PRMT3: variants seen among roughly 807,000 people sequenced by gnomAD.
PRMT3 encodes the protein protein arginine methyltransferase 3, also known as protein arginine N-methyltransferase 3.
A neutral mutation model predicts 71.9 loss-of-function variants in PRMT3; 62 were observed. That is an observed-to-expected ratio of 0.86 (90% CI 0.70 to 1.07). The LOEUF (loss-of-function observed/expected upper bound fraction) is 1.07. Ranked by LOEUF, PRMT3 falls within the 50% of genes least tolerant of loss-of-function variation. PRMT3 has a pLI of 0.00. For missense variants in PRMT3, 663 were observed against 643.0 expected, an observed-to-expected ratio of 1.03 and a Z score of -0.34; for synonymous variants, 213 against 220.4, an observed-to-expected ratio of 0.97 and a Z score of 0.30.
intron 9 of PRMT3, among the ~76,000 whole-genome samples, chr11:20,421,091 T>G (rs1849415225): frequency 6.6e-6 from 1 of 152,098 alleles, no homozygotes; most frequent in Admixed American, 6.5e-5. Flanking sequence ...CAGGCTGGAG[T>G]GCACTGGCAA....
chr11:20,387,844 G>A lies in PRMT3; in HGVS notation c.28+70G>A. 6.5e-7 allele frequency: 1 copy of A among 1,535,888 alleles called. No homozygotes were observed. On this transcript the variant is annotated intron_variant, in intron 1 of 15. Coordinates refer to ENST00000331079, the MANE Select transcript of PRMT3 (RefSeq NM_005788.4). The surrounding 1 kb of genome is among the most constrained non-coding windows in gnomAD (Gnocchi z 4.3). ...CCGCGCCGCTGTGGGGCCGGTGGAA[G>A]ACCCTCCGGGACACGGGCCCGGGCA...
At chr11:20,393,931 T>C (rs1425619476) in intron 5 of PRMT3, 1 of 152,208 alleles carries the variant, frequency 6.6e-6, no homozygotes, top group African/African-American at 2.4e-5. Context: ...TGATTAATTT[T>C]TGGTGAATTA....
At chr11:20,452,303 G>T in intron 11 of PRMT3, 95 bp downstream of exon 11, 1 of 930,894 alleles carries the variant, frequency 1.1e-6, no homozygotes, top group Non-Finnish European at 1.7e-6. Flanking sequence ...GGCTGAGGAA[G>T]TTCCCGATAG....
intron 13 of PRMT3, among the ~76,000 whole-genome samples, chr11:20,464,832 T>C (rs1850470663): frequency 6.6e-6 from 1 of 152,210 alleles, no homozygotes; most frequent in Admixed American, 6.5e-5. Context: ...CACTCAACTT[T>C]ATCTTCAAAG....
At chr11:20,398,479 G>A (rs1193733595) in intron 7 of PRMT3, among the ~76,000 whole-genome samples, 1 of 152,134 alleles carries the variant, frequency 6.6e-6, no homozygotes, top group African/African-American at 2.4e-5. Flanking sequence ...TTGAGATGGA[G>A]TCTCGCTCTG....
chr11:20,463,572 CTCT>C (rs1176335419), intron 12 of PRMT3, among the ~76,000 whole-genome samples: 1 of 22,630 alleles, frequency 4.4e-5, no homozygotes, highest in Non-Finnish European at 1.9e-4. Flanking sequence ...AGTGTATGTA[CTCT>C]TTTTTTTTTT....
At chr11:20,414,460 T>C (rs747309569) in intron 9 of PRMT3, among the ~76,000 whole-genome samples, 1 of 152,192 alleles carries the variant, frequency 6.6e-6, no homozygotes, top group Non-Finnish European at 1.5e-5. Context: ...TTATTTTTGC[T>C]ATCATACTTT....
At chr11:20,397,479 C>G (rs1288600694) in intron 6 of PRMT3, 98 bp from the exon 7 acceptor site, 1 of 1,213,418 alleles carries the variant, frequency 8.2e-7, no homozygotes, top group Non-Finnish European at 1.2e-6. Context: ...ACTCATCACA[C>G]TGTACTCCCT....
At chr11:20,401,395 C>T (rs909729452) in intron 7 of PRMT3, among the ~76,000 whole-genome samples, 8 of 152,072 alleles carry the variant, frequency 5.3e-5, no homozygotes, top group African/African-American at 1.9e-4. Flanking sequence ...ATTTATTCAT[C>T]TTAGTAATTC....
Position 20,388,064 on chromosome 11 carries a change from C to CG in PRMT3, c.76dup (p.Asp26GlyfsTer11). 6.2e-7 allele frequency: 1 copy of CG among 1,614,000 alleles called. No individual in the cohort carries two copies. Among genetic ancestry groups the CG allele is most frequent in the Non-Finnish European group, 8.5e-7 (1 of 1,179,982 alleles). ...AATGAGGAGGACCTGCCAGAACTGT[C>CG]GGACAGCGGGGACGAGGCCGCCTGG... On this transcript the variant is annotated frameshift_variant, in exon 2 of 16. Transcript: ENST00000331079. LOFTEE classifies it high-confidence loss of function.
intron 13 of PRMT3, among the ~76,000 whole-genome samples, chr11:20,492,115 A>G (rs1354802569): frequency 6.6e-6 from 1 of 152,236 alleles, no homozygotes; most frequent in African/African-American, 2.4e-5. Flanking sequence ...AAATTGCAGT[A>G]TAAGGCAAAC....
intron 3 of PRMT3, 21 bp from the exon 4 acceptor site, chr11:20,392,190 A>C: frequency 6.4e-7 from 1 of 1,569,334 alleles, no homozygotes; most frequent in Non-Finnish European, 8.7e-7. Context: ...ACATAGGTGA[A>C]TTATCTTTTT....
At chr11:20,451,530 CAGGAAATTA>C (rs1303272506) in intron 10 of PRMT3, among the ~76,000 whole-genome samples, 4 of 151,588 alleles carry the variant, frequency 2.6e-5, no homozygotes, top group African/African-American at 9.7e-5. Context: ...AGTCACTAGA[CAGGAAATTA>C]TTTGGGAAGT....
chr11:20,483,554 CA>C (rs10583759), intron 13 of PRMT3, among the ~76,000 whole-genome samples: 175 of 135,774 alleles, frequency 1.3e-3, no homozygotes, highest in Middle Eastern at 3.9e-3. Context: ...CAGAGATTGC[CA>C]AAAAAAAAAA....
chr11:20,477,889 G>C (rs547381383), intron 13 of PRMT3, among the ~76,000 whole-genome samples: 31 of 150,480 alleles, frequency 2.1e-4, no homozygotes, highest in African/African-American at 6.6e-4. Context: ...GGTTTGAAGA[G>C]AGGACCAACT....
At chr11:20,453,179 G>T (rs920363293) in intron 11 of PRMT3, among the ~76,000 whole-genome samples, 1 of 151,828 alleles carries the variant, frequency 6.6e-6, no homozygotes, top group Non-Finnish European at 1.5e-5. Flanking sequence ...GGCAGTTTTG[G>T]TACAGTTAAA....
intron 15 of PRMT3, among the ~76,000 whole-genome samples, chr11:20,506,187 AAAGT>A (rs1851586607): frequency 1.3e-5 from 2 of 152,210 alleles, no homozygotes; most frequent in Non-Finnish European, 1.5e-5. Context: ...AGCCTAGCAC[AAAGT>A]AAGTGTTGAA....
chr11:20,392,784 G>T, intron 4 of PRMT3, 113 bp from the exon 5 acceptor site: 1 of 699,466 alleles, frequency 1.4e-6, no homozygotes, highest in Non-Finnish European at 2.4e-6. Flanking sequence ...GAGACATACT[G>T]ACTTTGTGTA....
intron 15 of PRMT3, among the ~76,000 whole-genome samples, chr11:20,495,544 A>G (rs1851312434): frequency 6.6e-6 from 1 of 152,094 alleles, no homozygotes; most frequent in African/African-American, 2.4e-5. Flanking sequence ...CATTCAAAAT[A>G]TATTTGTCTT....
Sources: gnomAD v4.1 joint callset for allele counts (sites outside exome capture counted in the v4.1 genomes callset) on GRCh38, gnomAD v4.1.1 for gene constraint, Gnocchi (gnomAD v3.1) non-coding constraint, MANE v1.5 for transcripts, NCBI Gene and HGNC (gene_info 2026-07-23, HGNC 2026-07-21) for gene names.